CLMN: variants seen among roughly 807,000 people sequenced by gnomAD.
The protein encoded by CLMN is calmin.
CLMN carries 57 observed loss-of-function variants against 92.7 expected under a neutral mutation model. The ratio of observed to expected loss-of-function variants is 0.61; its 90% CI spans 0.50 to 0.77. The LOEUF is 0.77. CLMN is among the 30% of genes least tolerant of loss of function. The pLI, the probability that CLMN is intolerant of heterozygous loss-of-function variation, is 0.00. For synonymous variants in CLMN, 466 were observed against 470.6 expected, an observed-to-expected ratio of 0.99 and a Z score of 0.13; for missense variants, 1,158 against 1,237.5, an observed-to-expected ratio of 0.94 and a Z score of 0.96.
rs572178825 is a variant in CLMN at position 95,204,604 on chromosome 14, A to G, written c.886-141T>C. 115 of 772,000 alleles carry G rather than the reference A, an allele frequency of 1.5e-4. No individual in the cohort carries two copies. The East Asian group carries it at 3.0e-3, about 20-fold the overall frequency. 47.8% of individuals were successfully genotyped at this position (772,000 alleles called of 1,614,324 possible). The stretch of plus-strand genomic sequence containing the variant: ...CCAAAACACAAACAAACAAAAATGG[A>G]AAAAGCCACTTCAAACCAATGCAAA... On this transcript the variant is annotated intron_variant, in intron 8 of 12. Coordinates refer to ENST00000298912, the MANE Select transcript of CLMN (RefSeq NM_024734.4).
chr14:95,191,389 G>GA lies in CLMN; in HGVS notation c.*174dup, dbSNP rs1310536172. 2.5e-4 allele frequency: 102 copies of GA among 413,236 alleles called. No individual in the cohort carries two copies. The highest frequency in any genetic ancestry group is 3.9e-4 in the South Asian group (8 of 20,324). The allele number at this position is 413,236 out of a possible 1,614,324, so 25.6% of individuals were successfully genotyped here. On this transcript the variant is annotated 3_prime_UTR_variant, in exon 13 of 13. Coordinates refer to ENST00000298912, the MANE Select transcript of CLMN (RefSeq NM_024734.4). The surrounding 1 kb of genome is among the most constrained non-coding windows in gnomAD (Gnocchi z 5.3). ...GAAAAAAGCATGCTCAGGTTGTCCAGAAAAAAAAGGAAACCTGAAAAAAAA... is the reference window on the plus strand; with the variant it reads ...GAAAAAAGCATGCTCAGGTTGTCCAGAAAAAAAAAGGAAACCTGAAAAAAAA...
intron 1 of CLMN, among the ~76,000 whole-genome samples, chr14:95,257,789 T>C (rs1467737579): frequency 6.6e-6 from 1 of 152,164 alleles, no homozygotes; most frequent in Non-Finnish European, 1.5e-5. Flanking sequence ...TGGACTGACT[T>C]AGAGGACGCA....
In CLMN at chr14:95,220,651, T is replaced by A. The variant is rs140807539; in HGVS notation, c.324+1040A>T. 1.8e-3 allele frequency among the ~76,000 whole-genome samples: 269 copies of A among 152,248 alleles called. 1 individual carries two copies. The highest frequency in any genetic ancestry group is 3.2e-3 in the Admixed American group (49 of 15,294). ...TCCTAGAACTACTGGGAGGGGACTA[T>A]TGGGAAGCAGAGCCTACCCCTGTTC... On this transcript the variant is annotated intron_variant, in intron 4 of 12. Transcript: ENST00000298912.
intron 1 of CLMN, among the ~76,000 whole-genome samples, chr14:95,301,390 G>A (rs1317203473): frequency 6.6e-6 from 1 of 152,168 alleles, no homozygotes; most frequent in Non-Finnish European, 1.5e-5. Flanking sequence ...GCATTTTGTG[G>A]ACTCACTCAA....
intron 1 of CLMN, among the ~76,000 whole-genome samples, chr14:95,247,503 C>T (rs1456737769): frequency 1.3e-5 from 2 of 152,220 alleles, no homozygotes; most frequent in Non-Finnish European, 2.9e-5. Context: ...TGCACAGCTC[C>T]ATGTCTTTTG....
chr14:95,276,755 G>C (rs777090425), intron 1 of CLMN, among the ~76,000 whole-genome samples: 2 of 152,210 alleles, frequency 1.3e-5, no homozygotes, highest in African/African-American at 4.8e-5. Context: ...GGGGACAATG[G>C]AGGTGAATTT....
rs1187063061 is a variant in CLMN at position 95,186,484 on chromosome 14, T to C, written c.*5080A>G. 6.6e-6 allele frequency: 1 copy of C among 152,254 alleles called. No homozygotes were observed. The highest frequency in any genetic ancestry group is 1.5e-5 in the Non-Finnish European group (1 of 68,050). 9.4% of individuals were successfully genotyped at this position (152,254 alleles called of 1,614,324 possible). A position where few individuals can be genotyped will look rare whatever the true frequency, so the allele number is the denominator to read the frequency against. ...CACCTGATCATCAACTATGGCAAGATACAAACTTCGACGAGGCAATGTTGG... is the reference window on the plus strand; with the variant it reads ...CACCTGATCATCAACTATGGCAAGACACAAACTTCGACGAGGCAATGTTGG... On this transcript the variant is annotated 3_prime_UTR_variant, in exon 13 of 13. Coordinates refer to ENST00000298912, the MANE Select transcript of CLMN (RefSeq NM_024734.4).
intron 1 of CLMN, among the ~76,000 whole-genome samples, chr14:95,318,152 T>C (rs1015482669): frequency 6.6e-6 from 1 of 152,166 alleles, no homozygotes; most frequent in Non-Finnish European, 1.5e-5. Flanking sequence ...GAAGCATTGG[T>C]TAGTATGTGC....
intron 1 of CLMN, chr14:95,307,544 CGG>C (rs1901337650): frequency 6.6e-6 from 1 of 152,318 alleles, no homozygotes; most frequent in Non-Finnish European, 1.5e-5. Context: ...CTGTCCCCTA[CGG>C]GTCAGCAATC....
At chr14:95,233,763 G>T (rs141990611) in intron 1 of CLMN, among the ~76,000 whole-genome samples, 3 of 152,182 alleles carry the variant, frequency 2.0e-5, no homozygotes, top group Admixed American at 6.5e-5. Context: ...GGAACAAGGC[G>T]GGGGGTGGCC....
intron 1 of CLMN, among the ~76,000 whole-genome samples, chr14:95,264,030 T>G (rs1899369705): frequency 6.6e-6 from 1 of 151,002 alleles, no homozygotes; most frequent in Admixed American, 6.6e-5. Flanking sequence ...ATTTATTTAT[T>G]TATTTATTTA....
chr14:95,275,665 T>A (rs1899897402), intron 1 of CLMN, among the ~76,000 whole-genome samples: 1 of 152,178 alleles, frequency 6.6e-6, no homozygotes, highest in African/African-American at 2.4e-5. Flanking sequence ...ATTTGTTTAT[T>A]CCTTTACTTT....
Position 95,196,705 on chromosome 14 carries a change from GAAC to G in CLMN, c.2512-14_2512-12del. The G allele has an allele frequency of 6.2e-7, 1 of 1,610,550 alleles. No individual in the cohort carries two copies. Among genetic ancestry groups the G allele is most frequent in the South Asian group, 1.1e-5 (1 of 90,576 alleles). On this transcript the variant is annotated splice_polypyrimidine_tract_variant and intron_variant, in intron 9 of 12. Coordinates refer to ENST00000298912, the MANE Select transcript of CLMN (RefSeq NM_024734.4). The stretch of plus-strand genomic sequence containing the variant: ...TGGGGATTCCTGGGACTGAAAGACA[GAAC>G]AACCAAATCCAAGTCAGTATGTCAC...
chr14:95,252,976 C>T (rs1164104482), intron 1 of CLMN, among the ~76,000 whole-genome samples: 4 of 152,210 alleles, frequency 2.6e-5, no homozygotes, highest in African/African-American at 9.7e-5. Context: ...TGAAGTATAA[C>T]AGTGTTCAGT....
chr14:95,295,040 C>A (rs1387421913), intron 1 of CLMN, among the ~76,000 whole-genome samples: 1 of 152,228 alleles, frequency 6.6e-6, no homozygotes, highest in African/African-American at 2.4e-5. Context: ...GGGTGCTGCA[C>A]CAGCCCTTGC....
chr14:95,286,474 A>T (rs1010302192), intron 1 of CLMN, among the ~76,000 whole-genome samples: 2 of 152,178 alleles, frequency 1.3e-5, no homozygotes, highest in Non-Finnish European at 2.9e-5. Flanking sequence ...CAGGAGATAG[A>T]GGGATGGTAA....
In CLMN at chr14:95,184,049, A is replaced by G. The variant is rs1013684020; in HGVS notation, c.*7515T>C. The stretch of plus-strand genomic sequence containing the variant: ...ATGGTACACTAAGGGTTAGGGAAAG[A>G]GGTATAGTCAACGCTTGCTTCAAGA... On this transcript the variant is annotated 3_prime_UTR_variant, in exon 13 of 13. Transcript: ENST00000298912. The G allele has an allele frequency of 6.6e-5, 10 of 152,232 alleles. No homozygotes were observed. Among genetic ancestry groups the G allele is most frequent in the Non-Finnish European group, 1.0e-4 (7 of 68,052 alleles). 9.4% of individuals were successfully genotyped at this position (152,232 alleles called of 1,614,324 possible).
intron 12 of CLMN, 112 bp downstream of exon 12, chr14:95,193,737 T>G: frequency 7.8e-7 from 1 of 1,290,218 alleles, no homozygotes; most frequent in Non-Finnish European, 1.1e-6. Flanking sequence ...CCCAAATTAT[T>G]AATACTGTTA....
rs990405530 is a variant in CLMN, at chr14:95,265,884, C to T, written c.83-35751G>A. On this transcript the variant is annotated intron_variant, in intron 1 of 12. Transcript: ENST00000298912. ...AATCAGATTTTCTCTATAGCAACAG[C>T]TCCACAACACAATCCTCTTGGCAGC... 3.3e-5 allele frequency among the ~76,000 whole-genome samples: 5 copies of T among 152,350 alleles called. No individual in the cohort carries two copies. The South Asian group carries it at 6.2e-4, about 19-fold the overall frequency.
Sources: gnomAD v4.1 joint callset for allele counts (sites outside exome capture counted in the v4.1 genomes callset) on GRCh38, gnomAD v4.1.1 for gene constraint, Gnocchi (gnomAD v3.1) non-coding constraint, MANE v1.5 for transcripts, NCBI Gene and HGNC (gene_info 2026-07-23, HGNC 2026-07-21) for gene names.